The following DDX46 variants were observed in gnomAD, a reference collection of about 807,000 sequenced individuals.
The protein encoded by DDX46 is DEAD-box helicase 46, also known as probable ATP-dependent RNA helicase DDX46.
A neutral mutation model predicts 134.9 loss-of-function variants in DDX46; 30 were observed. The observed-to-expected ratio is 0.22, with a 90% CI of 0.17 to 0.30. The LOEUF (loss-of-function observed/expected upper bound fraction) is 0.30, where lower values mean the gene tolerates loss of function less well. Among genes scored for constraint, DDX46 ranks in the 10% least tolerant of loss-of-function variants. DDX46 has a pLI of 1.00. For synonymous variants in DDX46, 415 were observed against 404.1 expected (o/e 1.03, Z -0.32); for missense variants, 622 against 1,248.7 (o/e 0.50, Z 7.56).
chr5:134,779,106 A>G (rs1357118360), intron 6 of DDX46, among the ~76,000 whole-genome samples: 4 of 152,008 alleles, frequency 2.6e-5, no homozygotes, highest in African/African-American at 7.3e-5. Context: ...CATGTTGGCC[A>G]GGCTGGTCTC....
rs1180172195 is a variant in DDX46, at chr5:134,823,701, A to G, written c.2978-3246A>G. On this transcript the variant is annotated intron_variant, in intron 21 of 22. Transcript: ENST00000452510. Reference sequence around the variant, plus strand: ...TCTAACTCAGGTGACACTGTTTCTTATTACATAGTGAAATGGGGATTGCTG... The same window carrying G: ...TCTAACTCAGGTGACACTGTTTCTTGTTACATAGTGAAATGGGGATTGCTG... 2.6e-5 allele frequency among the ~76,000 whole-genome samples: 4 copies of G among 152,236 alleles called. No individual in the cohort carries two copies. The East Asian group carries it at 7.7e-4, about 29-fold the overall frequency.
In DDX46 at chr5:134,811,944, A is replaced by C; in HGVS notation, c.2436+99A>C. 4.9e-6 allele frequency: 7 copies of C among 1,436,886 alleles called. No homozygotes were observed. The South Asian group carries it at 1.0e-4, about 21-fold the overall frequency. The allele number at this position is 1,436,886 out of a possible 1,614,324, so 89.0% of individuals were successfully genotyped here. On this transcript the variant is annotated intron_variant, in intron 18 of 22. Transcript: ENST00000452510. Reference sequence around the variant, plus strand: ...TTATCAAGATAGACAATCACTGGAAACCTTTACAAGAGGTTGGTTCCAGAA... The same window carrying C: ...TTATCAAGATAGACAATCACTGGAACCCTTTACAAGAGGTTGGTTCCAGAA...
intron 10 of DDX46, among the ~76,000 whole-genome samples, chr5:134,785,016 G>A (rs937246716): frequency 1.3e-5 from 2 of 152,192 alleles, no homozygotes; most frequent in Non-Finnish European, 2.9e-5. Flanking sequence ...TTGGAAAGTT[G>A]AGTAGGGTTT....
intron 15 of DDX46, chr5:134,797,085 G>A (rs1754676330): frequency 4.5e-6 from 1 of 221,072 alleles, no homozygotes; most frequent in African/African-American, 2.4e-5. Flanking sequence ...AGGAGGCGGA[G>A]GTTGCCGGGA....
intron 1 of DDX46, among the ~76,000 whole-genome samples, chr5:134,760,429 G>A (rs533094205): frequency 6.6e-6 from 1 of 152,320 alleles, no homozygotes; most frequent in East Asian, 1.9e-4. Context: ...GAAGTAGTAG[G>A]AGGTAGGTCC....
At chr5:134,789,426 A>T (rs1239549808) in intron 12 of DDX46, among the ~76,000 whole-genome samples, 1 of 152,214 alleles carries the variant, frequency 6.6e-6, no homozygotes, top group Non-Finnish European at 1.5e-5. Flanking sequence ...TGTACATAAT[A>T]GAGTATTAAA....
At chr5:134,790,128 G>A in intron 12 of DDX46, 1 of 480,690 alleles carries the variant, frequency 2.1e-6, no homozygotes, top group Non-Finnish European at 4.1e-6. Flanking sequence ...GATAATGGCT[G>A]ATGTGGCTCG....
At chr5:134,794,085 C>T (rs1754583063) in intron 13 of DDX46, among the ~76,000 whole-genome samples, 1 of 152,112 alleles carries the variant, frequency 6.6e-6, no homozygotes, top group South Asian at 2.1e-4. Context: ...GGTGTGAATG[C>T]AACAATAACA....
intron 1 of DDX46, among the ~76,000 whole-genome samples, chr5:134,763,394 C>T (rs888101540): frequency 6.6e-6 from 1 of 152,086 alleles, no homozygotes; most frequent in African/African-American, 2.4e-5. Context: ...TCTTATGGCA[C>T]GCTGTGTCAC....
intron 5 of DDX46, among the ~76,000 whole-genome samples, chr5:134,776,875 C>G (rs1022996962): frequency 1.1e-4 from 17 of 148,196 alleles, no homozygotes; most frequent in African/African-American, 7.5e-5. Flanking sequence ...GATCGCGACA[C>G]TGCACTCCAG....
intron 12 of DDX46, among the ~76,000 whole-genome samples, chr5:134,789,906 GT>G (rs1292012467): frequency 6.6e-6 from 1 of 152,106 alleles, no homozygotes; most frequent in Non-Finnish European, 1.5e-5. Context: ...GGTATTTAAA[GT>G]TTTTGTGTGA....
intron 4 of DDX46, among the ~76,000 whole-genome samples, chr5:134,771,510 G>A (rs1753768055): frequency 6.8e-6 from 1 of 147,454 alleles, no homozygotes; most frequent in Admixed American, 6.7e-5. Context: ...GGCTAACATG[G>A]TGAAACCCTG....
chr5:134,828,567 G>C (rs1044565426), intron 22 of DDX46, 92 bp from the exon 23 acceptor site: 2 of 756,500 alleles, frequency 2.6e-6, no homozygotes, highest in African/African-American at 3.7e-5. Flanking sequence ...ATTTCCTTTT[G>C]GGTTTGTTTG....
chr5:134,817,838 A>G, intron 20 of DDX46, 124 bp downstream of exon 20: 1 of 780,502 alleles, frequency 1.3e-6, no homozygotes, highest in Non-Finnish European at 2.0e-6. Flanking sequence ...AATGGAGGAT[A>G]TAACAATAGA....
chr5:134,826,195 A>G (rs1755586746), intron 21 of DDX46: 2 of 152,088 alleles, frequency 1.3e-5, no homozygotes, highest in South Asian at 4.1e-4. Flanking sequence ...ATATCTTTAC[A>G]AGTTTGTTTT....
At chr5:134,763,025 C>T (rs1753441282) in intron 1 of DDX46, among the ~76,000 whole-genome samples, 1 of 151,676 alleles carries the variant, frequency 6.6e-6, no homozygotes, top group South Asian at 2.1e-4. Context: ...TGCCACTGCA[C>T]TCCAGCCTAG....
chr5:134,788,393 A>T (rs1356157435), intron 11 of DDX46, 120 bp from the exon 12 acceptor site: 3 of 730,768 alleles, frequency 4.1e-6, no homozygotes, highest in Admixed American at 5.4e-5. Context: ...CGAGATTCAA[A>T]ATAATTAAGC....
At chr5:134,806,537 A>T (rs1467606875) in intron 15 of DDX46, among the ~76,000 whole-genome samples, 1 of 152,190 alleles carries the variant, frequency 6.6e-6, no homozygotes, top group Non-Finnish European at 1.5e-5. Context: ...ACAAATTTAT[A>T]TTGATATTGA....
intron 6 of DDX46, among the ~76,000 whole-genome samples, chr5:134,779,577 A>G (rs1324437014): frequency 6.6e-6 from 1 of 152,110 alleles, no homozygotes; most frequent in Non-Finnish European, 1.5e-5. Flanking sequence ...TGGCATGATC[A>G]TACCTCATAC....
Sources: allele counts gnomAD v4.1 joint callset (sites outside exome capture counted in the v4.1 genomes callset), GRCh38; gene constraint gnomAD v4.1.1; transcripts MANE v1.5; gene names NCBI Gene and HGNC (gene_info 2026-07-23, HGNC 2026-07-21).